PDE4B: variants seen among roughly 807,000 people sequenced by gnomAD.
The protein encoded by PDE4B is 3',5'-cyclic-AMP phosphodiesterase 4B.
A neutral mutation model predicts 82.2 loss-of-function variants in PDE4B; 20 were observed. The observed-to-expected ratio is 0.24, with a 90% CI of 0.17 to 0.35. PDE4B has a LOEUF of 0.35. Ranked by LOEUF, PDE4B falls within the 10% of genes least tolerant of loss-of-function variation. PDE4B has a pLI of 1.00. For synonymous variants in PDE4B, 320 were observed against 318.9 expected, an observed-to-expected ratio of 1.00 and a Z score of -0.04; for missense variants, 655 against 907.2, an observed-to-expected ratio of 0.72 and a Z score of 3.57.
intron 9 of PDE4B, among the ~76,000 whole-genome samples, chr1:66,358,475 G>C (rs140787356): frequency 2.6e-5 from 4 of 152,102 alleles, no homozygotes; most frequent in Non-Finnish European, 5.9e-5. Context: ...AGGAGTTCGA[G>C]ACCAGCCTGG....
chr1:65,988,507 G>T (rs569695951), intron 3 of PDE4B, among the ~76,000 whole-genome samples: 1 of 152,114 alleles, frequency 6.6e-6, no homozygotes, highest in South Asian at 2.1e-4. Flanking sequence ...AGCTTTACTT[G>T]AATAGAGTCT....
At chr1:66,029,725 T>C (rs560063245) in intron 3 of PDE4B, among the ~76,000 whole-genome samples, 20 of 152,320 alleles carry the variant, frequency 1.3e-4, no homozygotes, top group Middle Eastern at 3.4e-3. Flanking sequence ...TTGTAATCTT[T>C]ACAGCATAAT....
chr1:66,092,345 A>C (rs1430813730), intron 3 of PDE4B, among the ~76,000 whole-genome samples: 1 of 152,040 alleles, frequency 6.6e-6, no homozygotes, highest in Non-Finnish European at 1.5e-5. Context: ...AGCATACAGT[A>C]TATACAGTAC....
intron 2 of PDE4B, among the ~76,000 whole-genome samples, chr1:65,917,675 T>C (rs1456792528): frequency 6.6e-6 from 1 of 152,154 alleles, no homozygotes; most frequent in African/African-American, 2.4e-5. Flanking sequence ...TCACAAAGTG[T>C]ATGATTAATG....
chr1:66,045,320 A>G (rs1241511707), intron 3 of PDE4B, among the ~76,000 whole-genome samples: 1 of 151,364 alleles, frequency 6.6e-6, no homozygotes, highest in East Asian at 1.9e-4. Flanking sequence ...CTTAGTCACC[A>G]AATGTCTGTT....
chr1:66,285,581 T>TG (rs895733494), intron 7 of PDE4B, among the ~76,000 whole-genome samples: 2 of 152,138 alleles, frequency 1.3e-5, no homozygotes, highest in African/African-American at 2.4e-5. Context: ...CACTTATAAG[T>TG]GAAAACATGC....
chr1:66,152,762 C>T (rs914124495), intron 3 of PDE4B, among the ~76,000 whole-genome samples: 3 of 151,650 alleles, frequency 2.0e-5, no homozygotes, highest in Admixed American at 6.6e-5. Flanking sequence ...GAAACTCAGT[C>T]GGGAGTCAAT....
At chr1:66,174,191 C>A (rs1443424386) in intron 3 of PDE4B, among the ~76,000 whole-genome samples, 3 of 152,152 alleles carry the variant, frequency 2.0e-5, no homozygotes, top group Non-Finnish European at 4.4e-5. Flanking sequence ...TTCAATTACA[C>A]CACGTCAATT....
At chr1:66,211,566 TAATAA>T (rs1273378327) in intron 3 of PDE4B, among the ~76,000 whole-genome samples, 4 of 152,210 alleles carry the variant, frequency 2.6e-5, no homozygotes, top group Middle Eastern at 3.2e-3. Flanking sequence ...GGTTTATTAA[TAATAA>T]AATAACACTC....
chr1:66,074,942 G>T (rs1656340822), intron 3 of PDE4B, among the ~76,000 whole-genome samples: 1 of 152,022 alleles, frequency 6.6e-6, no homozygotes, highest in Non-Finnish European at 1.5e-5. Context: ...GTGATGTAGA[G>T]CAGGTGAGCC....
At chr1:65,840,037 C>T (rs914784114) in intron 1 of PDE4B, among the ~76,000 whole-genome samples, 12 of 151,972 alleles carry the variant, frequency 7.9e-5, no homozygotes, top group Non-Finnish European at 1.5e-4. Context: ...AAAAAATAAG[C>T]CAAGTGAAGT....
intron 3 of PDE4B, among the ~76,000 whole-genome samples, chr1:66,131,353 A>G (rs1455631424): frequency 6.6e-6 from 1 of 151,866 alleles, no homozygotes; most frequent in Non-Finnish European, 1.5e-5. Context: ...TATTTCCAAT[A>G]TGTAATAAAA....
intron 7 of PDE4B, among the ~76,000 whole-genome samples, chr1:66,284,761 G>A (rs1656549896): frequency 6.6e-6 from 1 of 152,180 alleles, no homozygotes; most frequent in African/African-American, 2.4e-5. Context: ...GAAAGGATAG[G>A]GTGTAGGGAT....
At chr1:66,008,106 A>T (rs902130307) in intron 3 of PDE4B, among the ~76,000 whole-genome samples, 2 of 152,128 alleles carry the variant, frequency 1.3e-5, no homozygotes, top group African/African-American at 4.8e-5. Flanking sequence ...TGTAAAATTC[A>T]TTTGCTCTTA....
chr1:66,241,270 C>G (rs1469125355), intron 3 of PDE4B, among the ~76,000 whole-genome samples: 1 of 152,180 alleles, frequency 6.6e-6, no homozygotes, highest in Non-Finnish European at 1.5e-5. Flanking sequence ...GTGTTTTTCA[C>G]AGCTTAGTCC....
intron 3 of PDE4B, among the ~76,000 whole-genome samples, chr1:66,060,549 A>G (rs190189255): frequency 1.3e-3 from 193 of 152,358 alleles, no homozygotes; most frequent in Non-Finnish European, 1.7e-3. Flanking sequence ...AGATGAAAAC[A>G]TTTAAAATAT....
chr1:66,234,277 T>C (rs1652222713), intron 3 of PDE4B, among the ~76,000 whole-genome samples: 1 of 152,206 alleles, frequency 6.6e-6, no homozygotes, highest in South Asian at 2.1e-4. Context: ...AGTTGTCAAA[T>C]GTACTGGCAT....
intron 3 of PDE4B, among the ~76,000 whole-genome samples, chr1:66,027,574 C>T (rs571834684): frequency 2.6e-5 from 4 of 152,154 alleles, no homozygotes; most frequent in African/African-American, 9.7e-5. Flanking sequence ...AATCCACAGT[C>T]CAAAGTCTCA....
chr1:66,276,705 G>A (rs1318600316), intron 7 of PDE4B, among the ~76,000 whole-genome samples: 1 of 152,176 alleles, frequency 6.6e-6, no homozygotes, highest in African/African-American at 2.4e-5. Context: ...GTTAGCCACT[G>A]AGGATGCTGT....
Sources: allele counts gnomAD v4.1 joint callset (sites outside exome capture counted in the v4.1 genomes callset), GRCh38; gene constraint gnomAD v4.1.1; transcripts MANE v1.5; gene names NCBI Gene and HGNC (gene_info 2026-07-23, HGNC 2026-07-21).